IQCM: variants seen among roughly 807,000 people sequenced by gnomAD.
The protein encoded by IQCM is IQ motif containing M, also known as IQ domain-containing protein M.
Under a neutral mutation model 57.6 loss-of-function variants are expected in IQCM, and 45 were observed. The observed-to-expected ratio is 0.78, with a 90% CI of 0.62 to 1.00. The LOEUF is 1.00. IQCM is among the 50% of genes least tolerant of loss of function. IQCM has a pLI of 0.00. For missense variants in IQCM, 468 were observed against 511.6 expected (o/e 0.91, Z 0.82); for synonymous variants, 148 against 158.9 (o/e 0.93, Z 0.51).
At chr4:149,770,080 T>C (rs1271688084) in intron 2 of IQCM, among the ~76,000 whole-genome samples, 1 of 151,156 alleles carries the variant, frequency 6.6e-6, no homozygotes, top group East Asian at 1.9e-4. Flanking sequence ...ATAAAGCTGA[T>C]AAACTGCTAG....
intron 5 of IQCM, among the ~76,000 whole-genome samples, chr4:149,710,036 A>T (rs1764446628): frequency 1.3e-5 from 2 of 152,166 alleles, no homozygotes; most frequent in South Asian, 2.1e-4. Flanking sequence ...GGAAAGAATG[A>T]TCCAAATTTA....
rs1404902837 is a variant in IQCM at position 149,631,912 on chromosome 4, C to T, written c.566-10668G>A. ...TCTGTGAGTCTGAGGCAAATGCATA[C>T]GAGTTGGATATAAGTGATTAAGCAC... On this transcript the variant is annotated intron_variant, in intron 7 of 13. Transcript: ENST00000636793. Among the ~76,000 whole-genome samples the T allele has an allele frequency of 9.2e-5, 14 of 152,148 alleles. No homozygotes were observed. In the East Asian group the frequency reaches 1.7e-3, roughly 19 times the overall value.
chr4:149,694,871 A>T (rs1258265433), intron 5 of IQCM, among the ~76,000 whole-genome samples: 2 of 152,186 alleles, frequency 1.3e-5, no homozygotes, highest in Admixed American at 1.3e-4. Flanking sequence ...ACAATGAGAG[A>T]TTTTATATTT....
intron 9 of IQCM, among the ~76,000 whole-genome samples, chr4:149,570,353 A>G (rs1197734861): frequency 6.6e-6 from 1 of 152,036 alleles, no homozygotes; most frequent in Non-Finnish European, 1.5e-5. Flanking sequence ...AGGAACGTGG[A>G]TTTAATCTTT....
chr4:149,553,152 G>C lies in IQCM; in HGVS notation c.1084C>G (p.Arg362Gly). 1 of 1,231,278 alleles carries C rather than the reference G, an allele frequency of 8.1e-7. No homozygotes were observed. The highest frequency in any genetic ancestry group is 1.0e-6 in the Non-Finnish European group (1 of 987,702). 76.3% of individuals were successfully genotyped at this position (1,231,278 alleles called of 1,614,324 possible). The stretch of plus-strand genomic sequence containing the variant: ...TGTCTGCATCACTTACATTTTTTTC[G>C]GTCCATCCACTCCTCTAGCTCTGCT... ...NLAELEEWMD[R>G]KKFYEIMFAK... is the part of the protein sequence containing the mutation. Residue 362 changes from arginine to glycine, a missense_variant, in exon 11 of 14, where the codon CGA becomes GGA. By Grantham distance (125) the Arg-to-Gly change is moderately radical. Transcript: ENST00000636793.
chr4:149,592,188 C>A (rs1399532204), intron 8 of IQCM, among the ~76,000 whole-genome samples: 3 of 152,190 alleles, frequency 2.0e-5, no homozygotes, highest in Non-Finnish European at 2.9e-5. Flanking sequence ...TTTTGATATG[C>A]ATTTCTCTGA....
At chr4:149,416,719 G>A (rs566870007) in intron 13 of IQCM, among the ~76,000 whole-genome samples, 1 of 152,058 alleles carries the variant, frequency 6.6e-6, no homozygotes, top group Non-Finnish European at 1.5e-5. Flanking sequence ...GAGATTTCAG[G>A]CAGGGAAATG....
intron 12 of IQCM, among the ~76,000 whole-genome samples, chr4:149,545,995 T>G (rs983075109): frequency 1.3e-5 from 2 of 151,988 alleles, no homozygotes; most frequent in Non-Finnish European, 2.9e-5. Context: ...CAGGCCCCAG[T>G]GTGTGATGTT....
At chr4:149,401,997 C>A (rs182605318) in intron 13 of IQCM, among the ~76,000 whole-genome samples, 7 of 151,840 alleles carry the variant, frequency 4.6e-5, no homozygotes, top group Admixed American at 3.9e-4. Flanking sequence ...AATGTTGATA[C>A]ACGGATATAA....
chr4:149,593,492 T>A (rs1386224772), intron 8 of IQCM, among the ~76,000 whole-genome samples: 1 of 152,110 alleles, frequency 6.6e-6, no homozygotes. Flanking sequence ...TCCAACACTA[T>A]GTTGAATAAG....
chr4:149,655,949 T>C (rs74431702), intron 7 of IQCM, among the ~76,000 whole-genome samples: 1,777 of 152,220 alleles, frequency 0.012, 38 homozygotes, highest in Non-Finnish European at 0.013. Flanking sequence ...AAAAACAAAA[T>C]TGTCATAAAT....
intron 7 of IQCM, 82 bp downstream of exon 7, chr4:149,682,036 T>C (rs546438696): frequency 4.2e-6 from 2 of 475,782 alleles, no homozygotes; most frequent in African/African-American, 4.0e-5. Context: ...TGTTCAATAC[T>C]AGCTCTTTGT....
intron 12 of IQCM, among the ~76,000 whole-genome samples, chr4:149,453,964 T>C: frequency 6.6e-6 from 1 of 151,872 alleles, no homozygotes; most frequent in South Asian, 2.1e-4. Context: ...AAATTTTAGC[T>C]GTTCATCAAC....
chr4:149,761,851 G>A (rs536358278), intron 2 of IQCM, among the ~76,000 whole-genome samples: 205 of 152,130 alleles, frequency 1.3e-3, no homozygotes, highest in African/African-American at 4.7e-3. Flanking sequence ...TGTATGATAT[G>A]ATTTATTTTC....
intron 9 of IQCM, among the ~76,000 whole-genome samples, chr4:149,577,588 T>C (rs1263464845): frequency 6.6e-6 from 1 of 151,996 alleles, no homozygotes; most frequent in Non-Finnish European, 1.5e-5. Flanking sequence ...CCTTGGTCTA[T>C]ATGTCTGTTT....
intron 12 of IQCM, among the ~76,000 whole-genome samples, chr4:149,469,203 C>A (rs553457637): frequency 2.0e-5 from 3 of 151,970 alleles, no homozygotes; most frequent in Non-Finnish European, 4.4e-5. Flanking sequence ...TTGAACCCAC[C>A]GTAAAGAAGC....
chr4:149,748,720 G>C (rs984153718), intron 2 of IQCM: 1 of 152,162 alleles, frequency 6.6e-6, no homozygotes, highest in Non-Finnish European at 1.5e-5. Context: ...GGGTTGGTGA[G>C]ACAAGACTAT....
At chr4:149,378,222 A>C (rs550218240) in intron 13 of IQCM, among the ~76,000 whole-genome samples, 9 of 152,176 alleles carry the variant, frequency 5.9e-5, no homozygotes, top group Non-Finnish European at 1.3e-4. Context: ...AAAATGGACT[A>C]ACACAGTAAA....
At chr4:149,657,002 T>A (rs1240822073) in intron 7 of IQCM, among the ~76,000 whole-genome samples, 1 of 152,298 alleles carries the variant, frequency 6.6e-6, no homozygotes, top group South Asian at 2.1e-4. Context: ...TCAACATTTA[T>A]GGCATACAAG....
Sources: allele counts gnomAD v4.1 joint callset (sites outside exome capture counted in the v4.1 genomes callset), GRCh38; gene constraint gnomAD v4.1.1; transcripts MANE v1.5; gene names NCBI Gene and HGNC (gene_info 2026-07-23, HGNC 2026-07-21).